RGS6: variants seen among roughly 807,000 people sequenced by gnomAD.
The protein encoded by RGS6 is regulator of G protein signaling 6, also known as regulator of G-protein signaling 6.
Under a neutral mutation model 78.5 loss-of-function variants are expected in RGS6, and 30 were observed. The ratio of observed to expected loss-of-function variants is 0.38; its 90% CI spans 0.29 to 0.52. The LOEUF (loss-of-function observed/expected upper bound fraction) is 0.52. Among genes scored for constraint, RGS6 ranks in the 20% least tolerant of loss-of-function variants. RGS6 has a pLI of 0.85. For missense variants in RGS6, 495 were observed against 609.7 expected (o/e 0.81, Z 1.98); for synonymous variants, 206 against 206.0 (o/e 1.00, Z 0.00).
intron 2 of RGS6, among the ~76,000 whole-genome samples, chr14:72,200,961 TAAAAAAAAA>T (rs10577203): frequency 1.3e-4 from 16 of 121,628 alleles, no homozygotes; most frequent in East Asian, 7.2e-4. Context: ...GTGCTCTGCT[TAAAAAAAAA>T]AAAAAAAAAA....
At chr14:72,449,842 GAA>G (rs1239420879) in intron 3 of RGS6, among the ~76,000 whole-genome samples, 1 of 152,124 alleles carries the variant, frequency 6.6e-6, no homozygotes, top group Non-Finnish European at 1.5e-5. Flanking sequence ...TACCCCTCAG[GAA>G]AAAGAGAGCT....
intron 2 of RGS6, among the ~76,000 whole-genome samples, chr14:72,323,981 A>G (rs911750272): frequency 6.6e-6 from 1 of 152,018 alleles, no homozygotes; most frequent in Non-Finnish European, 1.5e-5. Flanking sequence ...TGTAATCATC[A>G]CATTAGGGTA....
chr14:72,287,936 A>G (rs1248185945), intron 2 of RGS6, among the ~76,000 whole-genome samples: 1 of 152,252 alleles, frequency 6.6e-6, no homozygotes. Flanking sequence ...GATCCCAGAA[A>G]TAAATCCCAC....
intron 2 of RGS6, among the ~76,000 whole-genome samples, chr14:72,304,960 C>T (rs2066908572): frequency 6.6e-6 from 1 of 152,182 alleles, no homozygotes; most frequent in Non-Finnish European, 1.5e-5. Flanking sequence ...CCACAGGCAG[C>T]TGGACAGTCT....
At position 72,103,328 on chromosome 14, in the gene RGS6, C is replaced by A. The variant is rs139929066; in HGVS notation, c.84+138453C>A. On this transcript the variant is annotated intron_variant, in intron 2 of 17. Coordinates refer to ENST00000553525, the MANE Select transcript of RGS6 (RefSeq NM_001204424.2). The stretch of plus-strand genomic sequence containing the variant: ...TTTAAGTATCACTTAGGAAGAAAAG[C>A]AAAACCCTCAGCCCCTTGAAATGAT... Among the ~76,000 whole-genome samples the A allele has an allele frequency of 2.9e-3, 441 of 152,270 alleles. 2 individuals are homozygous for A. Among genetic ancestry groups the A allele is most frequent in the African/African-American group, 9.8e-3 (406 of 41,564 alleles).
At chr14:71,912,825 A>AT in the RGS6 span, among the ~76,000 whole-genome samples, 2,503 of 149,158 alleles carry the variant, frequency 0.017, 66 homozygotes, top group African/African-American at 0.053. Context: ...TCACTTTTTT[A>AT]TTTTTTTTTT....
At chr14:72,007,015 G>T (rs1364149499) in intron 2 of RGS6, among the ~76,000 whole-genome samples, 1 of 150,660 alleles carries the variant, frequency 6.6e-6, no homozygotes, top group Non-Finnish European at 1.5e-5. Flanking sequence ...GAGAATCTTT[G>T]TTACGTAGTG....
intron 2 of RGS6, among the ~76,000 whole-genome samples, chr14:72,186,678 A>G (rs1166418975): frequency 1.3e-5 from 2 of 152,194 alleles, no homozygotes; most frequent in Non-Finnish European, 2.9e-5. Flanking sequence ...TACAGGCCTT[A>G]GTACCGACCT....
intron 2 of RGS6, among the ~76,000 whole-genome samples, chr14:72,321,850 A>G (rs961171413): frequency 2.0e-5 from 3 of 151,988 alleles, no homozygotes; most frequent in Non-Finnish European, 2.9e-5. Flanking sequence ...GAAAACTAAA[A>G]ATATGTCATC....
intron 3 of RGS6, among the ~76,000 whole-genome samples, chr14:72,370,738 A>G (rs527725488): frequency 1.3e-5 from 2 of 152,384 alleles, no homozygotes; most frequent in East Asian, 1.9e-4. Flanking sequence ...TTTAACATCA[A>G]TCATGGTAAC....
chr14:72,235,979 A>G (rs2050905820), intron 2 of RGS6, among the ~76,000 whole-genome samples: 1 of 152,246 alleles, frequency 6.6e-6, no homozygotes, highest in African/African-American at 2.4e-5. Flanking sequence ...AGACTTTTGT[A>G]CTTTCTTCAA....
chr14:71,969,341 G>A (rs972150136), intron 2 of RGS6, among the ~76,000 whole-genome samples: 1 of 152,200 alleles, frequency 6.6e-6, no homozygotes, highest in Non-Finnish European at 1.5e-5. Flanking sequence ...TTGAGTAAGA[G>A]TAGGTTGCTT....
chr14:72,122,747 T>G (rs1056123911), intron 2 of RGS6, among the ~76,000 whole-genome samples: 5 of 151,860 alleles, frequency 3.3e-5, no homozygotes, highest in East Asian at 1.9e-4. Context: ...ATCGTTTTTT[T>G]TTTTTTTTTC....
intron 3 of RGS6, among the ~76,000 whole-genome samples, chr14:72,392,518 C>T (rs1414828290): frequency 1.3e-5 from 2 of 152,136 alleles, no homozygotes; most frequent in Non-Finnish European, 2.9e-5. Flanking sequence ...GTCACAGAAG[C>T]TGAAGGAAAA....
In RGS6 at chr14:72,295,160, G is replaced by A. The variant is rs899813578; in HGVS notation, c.85-56935G>A. On this transcript the variant is annotated intron_variant, in intron 2 of 17. Coordinates refer to ENST00000553525, the MANE Select transcript of RGS6 (RefSeq NM_001204424.2). ...CAAAAAATTAGCCGGGCGTAGTGGC[G>A]GGCGCCTGTAGTCCCAGCTACTTGG... Among the ~76,000 whole-genome samples the A allele has an allele frequency of 5.3e-5, 8 of 150,662 alleles. No individual in the cohort carries two copies. The South Asian group carries it at 6.3e-4, about 12-fold the overall frequency.
intron 2 of RGS6, among the ~76,000 whole-genome samples, chr14:72,104,437 G>A (rs2095592062): frequency 6.6e-6 from 1 of 152,068 alleles, no homozygotes; most frequent in African/African-American, 2.4e-5. Context: ...AACTAATTAT[G>A]CTTGCTCATA....
intron 13 of RGS6, among the ~76,000 whole-genome samples, chr14:72,497,096 T>C (rs2096655089): frequency 6.6e-6 from 1 of 152,206 alleles, no homozygotes. Flanking sequence ...TTCATCAGTA[T>C]ATATTTTCCA....
At chr14:72,261,555 G>T (rs1275392606) in intron 2 of RGS6, among the ~76,000 whole-genome samples, 1 of 152,138 alleles carries the variant, frequency 6.6e-6, no homozygotes, top group Non-Finnish European at 1.5e-5. Context: ...TGCAGGGAAT[G>T]GAGATCCACT....
chr14:72,018,493 A>G (rs986126399), intron 2 of RGS6, among the ~76,000 whole-genome samples: 2 of 152,154 alleles, frequency 1.3e-5, no homozygotes, highest in Admixed American at 1.3e-4. Flanking sequence ...TGAATTTCTC[A>G]GATTGGGCAT....
Sources: allele counts gnomAD v4.1 joint callset (sites outside exome capture counted in the v4.1 genomes callset), GRCh38; gene constraint gnomAD v4.1.1; transcripts MANE v1.5; gene names NCBI Gene and HGNC (gene_info 2026-07-23, HGNC 2026-07-21).